The following ABCA12 variants were observed in gnomAD, a reference collection of about 807,000 sequenced individuals.
The protein encoded by ABCA12 is glucosylceramide transporter ABCA12.
Under a neutral mutation model 293.5 loss-of-function variants are expected in ABCA12, and 156 were observed. The ratio of observed to expected loss-of-function variants is 0.53; its 90% CI spans 0.47 to 0.61. ABCA12 has a LOEUF of 0.61. ABCA12 is among the 20% of genes least tolerant of loss of function. The probability of loss-of-function intolerance (pLI) is 0.00; values close to 1 mark genes in which losing one functional copy is unlikely to be tolerated. For synonymous variants in ABCA12, 1,063 were observed against 1,108.0 expected (o/e 0.96, Z 0.81); for missense variants, 2,797 against 3,090.2 (o/e 0.91, Z 2.25).
chr2:215,115,237 C>T (rs1466091991), intron 1 of ABCA12, among the ~76,000 whole-genome samples: 2 of 152,018 alleles, frequency 1.3e-5, no homozygotes, highest in Admixed American at 6.6e-5. Flanking sequence ...CTGCATTTTA[C>T]GGGGAAAATA....
chr2:215,126,631 G>T (rs1433917242), intron 1 of ABCA12, among the ~76,000 whole-genome samples: 2 of 152,010 alleles, frequency 1.3e-5, no homozygotes, highest in East Asian at 1.9e-4. Flanking sequence ...GTATTTCAAT[G>T]GTGTCAGTTG....
intron 6 of ABCA12, among the ~76,000 whole-genome samples, chr2:215,048,417 C>G (rs967829276): frequency 4.0e-5 from 6 of 151,708 alleles, no homozygotes; most frequent in African/African-American, 1.5e-4. Context: ...CAGAATCAGC[C>G]GGTGCAGTGG....
chr2:215,134,539 CATATATACGTATAT>C (rs1703155363), intron 1 of ABCA12, among the ~76,000 whole-genome samples: 1 of 118,584 alleles, frequency 8.4e-6, no homozygotes, highest in Non-Finnish European at 1.7e-5. Flanking sequence ...TATATATGTA[CATATATACGTATAT>C]GTATATATGT....
At chr2:215,056,449 C>T (rs534827578) in intron 3 of ABCA12, among the ~76,000 whole-genome samples, 12 of 152,230 alleles carry the variant, frequency 7.9e-5, no homozygotes, top group Admixed American at 7.9e-4. Flanking sequence ...CCCATTCTAA[C>T]AGCACCTTTC....
At chr2:215,101,692 C>T (rs1702360216) in intron 2 of ABCA12, among the ~76,000 whole-genome samples, 1 of 152,066 alleles carries the variant, frequency 6.6e-6, no homozygotes, top group Non-Finnish European at 1.5e-5. Flanking sequence ...GCACTGAAAA[C>T]CTTCATAGTA....
intron 1 of ABCA12, among the ~76,000 whole-genome samples, chr2:215,115,297 T>C (rs1285667221): frequency 6.6e-6 from 1 of 152,132 alleles, no homozygotes; most frequent in Non-Finnish European, 1.5e-5. Flanking sequence ...GGTTGACAGG[T>C]TAATCACAAA....
chr2:215,078,613 C>CTCAT (rs1268027314), intron 2 of ABCA12, among the ~76,000 whole-genome samples: 15 of 152,152 alleles, frequency 9.9e-5, no homozygotes, highest in Admixed American at 2.6e-4. Flanking sequence ...AGAATCATTA[C>CTCAT]TCATTCATTC....
intron 44 of ABCA12, 113 bp from the exon 45 acceptor site, chr2:214,951,196 TTC>T: frequency 1.1e-6 from 1 of 921,092 alleles, no homozygotes; most frequent in South Asian, 1.3e-5. Flanking sequence ...ATCATTAGAC[TTC>T]TTTTACATTT....
At chr2:215,055,123 G>T (rs1173148518) in intron 3 of ABCA12, among the ~76,000 whole-genome samples, 3 of 152,034 alleles carry the variant, frequency 2.0e-5, no homozygotes, top group African/African-American at 4.8e-5. Flanking sequence ...TTCAACACAG[G>T]TTCAAGGAAG....
At chr2:215,085,271 A>G (rs556047395) in intron 2 of ABCA12, among the ~76,000 whole-genome samples, 12 of 152,148 alleles carry the variant, frequency 7.9e-5, no homozygotes, top group Non-Finnish European at 1.8e-4. Context: ...TTTAAATGTT[A>G]ACTGAAAATA....
intron 2 of ABCA12, among the ~76,000 whole-genome samples, chr2:215,102,887 C>G (rs1702387452): frequency 6.6e-6 from 1 of 152,152 alleles, no homozygotes; most frequent in Non-Finnish European, 1.5e-5. Context: ...AACCCCGATC[C>G]TGTTTTTACT....
chr2:215,132,515 T>C (rs1054923476), intron 1 of ABCA12, among the ~76,000 whole-genome samples: 7 of 152,076 alleles, frequency 4.6e-5, no homozygotes, highest in Non-Finnish European at 7.4e-5. Flanking sequence ...TTTTTAACTG[T>C]TGTTGGTTTA....
intron 2 of ABCA12, among the ~76,000 whole-genome samples, chr2:215,075,959 T>A (rs1037371293): frequency 1.3e-5 from 2 of 152,224 alleles, no homozygotes; most frequent in African/African-American, 4.8e-5. Flanking sequence ...ATGCTCGAAG[T>A]CTGGTTCCAG....
At chr2:215,086,919 T>TTTA (rs139025147) in intron 2 of ABCA12, among the ~76,000 whole-genome samples, 4,029 of 150,878 alleles carry the variant, frequency 0.027, 101 homozygotes, top group African/African-American at 0.06. Context: ...TAACTACCAG[T>TTTA]TTATTATTAT....
intron 1 of ABCA12, among the ~76,000 whole-genome samples, chr2:215,123,422 C>T (rs1438473330): frequency 6.6e-6 from 1 of 152,190 alleles, no homozygotes; most frequent in Non-Finnish European, 1.5e-5. Flanking sequence ...CTGCCTGCCT[C>T]AGCCTCCCAC....
chr2:215,014,233 G>A (rs772281768), intron 15 of ABCA12, among the ~76,000 whole-genome samples: 216 of 151,938 alleles, frequency 1.4e-3, no homozygotes, highest in Non-Finnish European at 2.4e-3. Flanking sequence ...ATAGTTGGCT[G>A]GAAGCAAAAC....
chr2:215,134,624 G>GAGAGAGAGAGAGAGAGAGACAAAC (rs1703168227), intron 1 of ABCA12, among the ~76,000 whole-genome samples: 1 of 119,368 alleles, frequency 8.4e-6, no homozygotes, highest in Admixed American at 8.2e-5. Context: ...TATAGAGAGA[G>GAGAGAGAGAGAGAGAGAGACAAAC]AGAGAGAGAG....
chr2:215,052,478 T>C lies in ABCA12; in HGVS notation c.507+9A>G, dbSNP rs1336580816. 2 of 1,609,878 alleles carry C rather than the reference T, an allele frequency of 1.2e-6. No individual in the cohort carries two copies. Among genetic ancestry groups the C allele is most frequent in the African/African-American group, 2.7e-5 (2 of 74,770 alleles). Reference sequence around the variant, plus strand: ...TCACTCTACCCATTACAAAATTGAATCAAGTTACCTTTTCCAAGCCAAGAA... The same window carrying C: ...TCACTCTACCCATTACAAAATTGAACCAAGTTACCTTTTCCAAGCCAAGAA... On this transcript the variant is annotated intron_variant, in intron 5 of 52. Coordinates refer to ENST00000272895, the MANE Select transcript of ABCA12 (RefSeq NM_173076.3).
chr2:215,059,201 G>A (rs1219393783), intron 3 of ABCA12, among the ~76,000 whole-genome samples: 2 of 152,038 alleles, frequency 1.3e-5, no homozygotes, highest in Admixed American at 6.6e-5. Flanking sequence ...GGAAACATAT[G>A]AGATTTTCTG....
Sources: gnomAD v4.1 joint callset for allele counts (sites outside exome capture counted in the v4.1 genomes callset) on GRCh38, gnomAD v4.1.1 for gene constraint, MANE v1.5 for transcripts, NCBI Gene and HGNC (gene_info 2026-07-23, HGNC 2026-07-21) for gene names.